The following MAGI3 variants were observed in gnomAD, a reference collection of about 807,000 sequenced individuals.
MAGI3 encodes the protein membrane-associated guanylate kinase, WW and PDZ domain-containing protein 3.
Under a neutral mutation model 121.8 loss-of-function variants are expected in MAGI3, and 43 were observed. The ratio of observed to expected loss-of-function variants is 0.35; its 90% CI spans 0.28 to 0.46. The LOEUF (loss-of-function observed/expected upper bound fraction) is 0.46, where lower values mean the gene tolerates loss of function less well. Ranked by LOEUF, MAGI3 falls within the 20% of genes least tolerant of loss-of-function variation. The pLI is 1.00. For missense variants in MAGI3, 1,547 were observed against 1,797.3 expected (o/e 0.86, Z 2.52); for synonymous variants, 553 against 639.3 (o/e 0.86, Z 2.04).
At chr1:113,533,789 T>TTC (rs1026231664) in intron 1 of MAGI3, among the ~76,000 whole-genome samples, 3 of 150,930 alleles carry the variant, frequency 2.0e-5, no homozygotes, top group Non-Finnish European at 4.4e-5. Flanking sequence ...CTTTTTCTTT[T>TTC]TTTTTTTTTT....
Position 113,681,323 on chromosome 1 carries a change from G to C in MAGI3, c.3315G>C (p.Leu1105Phe). The change falls in exon 20 of 21, where the codon TTG (leucine) becomes TTC (phenylalanine). Residue 1105 changes from leucine to phenylalanine, a missense_variant. Physicochemically the swap from Leu to Phe is conservative, Grantham distance 22. Transcript: ENST00000307546. ...VLLLLRPGTGLIPDHGDWDIN... is the reference protein window; with the variant it reads ...VLLLLRPGTGFIPDHGDWDIN... ...TTCTTTTGAGGCCAGGAACTGGCTT[G>C]ATACCTGACCATGGTAAGTAAAGTA... The C allele has an allele frequency of 1.2e-6, 2 of 1,613,864 alleles. No homozygotes were observed. The highest frequency in any genetic ancestry group is 1.7e-6 in the Non-Finnish European group (2 of 1,179,942).
intron 3 of MAGI3, among the ~76,000 whole-genome samples, chr1:113,582,809 AAGCAATCT>A (rs1380314866): frequency 1.3e-5 from 2 of 151,498 alleles, no homozygotes; most frequent in Non-Finnish European, 2.9e-5. Context: ...GGAGATTTGA[AAGCAATCT>A]AGCAATAATA....
chr1:113,602,264 T>C (rs1405926587), intron 6 of MAGI3, among the ~76,000 whole-genome samples: 2 of 152,088 alleles, frequency 1.3e-5, no homozygotes, highest in East Asian at 3.9e-4. Context: ...ATATGAGGTA[T>C]CTTCTCAGAC....
intron 8 of MAGI3, among the ~76,000 whole-genome samples, chr1:113,622,585 G>C (rs1230165090): frequency 6.6e-6 from 1 of 152,112 alleles, no homozygotes; most frequent in African/African-American, 2.4e-5. Flanking sequence ...GAGTTTTATA[G>C]TACAGTTGAA....
intron 1 of MAGI3, among the ~76,000 whole-genome samples, chr1:113,488,180 C>T (rs932550571): frequency 5.3e-5 from 8 of 152,050 alleles, no homozygotes; most frequent in African/African-American, 1.9e-4. Context: ...GTTTCATTGA[C>T]TATTTGGAAA....
chr1:113,432,180 A>G (rs1050744229), intron 1 of MAGI3, among the ~76,000 whole-genome samples: 2 of 152,246 alleles, frequency 1.3e-5, no homozygotes, highest in African/African-American at 4.8e-5. Context: ...CCCACCCTAT[A>G]TAAAAATCCA....
intron 1 of MAGI3, among the ~76,000 whole-genome samples, chr1:113,496,176 T>G (rs889891618): frequency 6.6e-6 from 1 of 152,194 alleles, no homozygotes; most frequent in African/African-American, 2.4e-5. Context: ...ATATTTCAAC[T>G]TCATTGTTGA....
chr1:113,681,981 T>C (rs72689984), intron 20 of MAGI3, among the ~76,000 whole-genome samples: 4,002 of 152,158 alleles, frequency 0.026, 93 homozygotes, highest in Admixed American at 0.09. Flanking sequence ...CACGCAGTAC[T>C]TGCCTCATCT....
At chr1:113,534,665 ACC>A (rs755505830) in intron 1 of MAGI3, among the ~76,000 whole-genome samples, 2 of 152,196 alleles carry the variant, frequency 1.3e-5, no homozygotes, top group Non-Finnish European at 2.9e-5. Flanking sequence ...CCATTATGAC[ACC>A]AAAGACAGGT....
chr1:113,581,523 T>C (rs1648024686), intron 3 of MAGI3, among the ~76,000 whole-genome samples: 1 of 152,120 alleles, frequency 6.6e-6, no homozygotes, highest in Non-Finnish European at 1.5e-5. Flanking sequence ...TTCACATCCA[T>C]TTGCCAAATC....
At chr1:113,523,129 A>T (rs1160769266) in intron 1 of MAGI3, among the ~76,000 whole-genome samples, 1 of 152,176 alleles carries the variant, frequency 6.6e-6, no homozygotes, top group Non-Finnish European at 1.5e-5. Context: ...CTTTTCTGCC[A>T]CCATGTGAGA....
intron 1 of MAGI3, among the ~76,000 whole-genome samples, chr1:113,396,206 G>A (rs1324030547): frequency 6.6e-6 from 1 of 151,676 alleles, no homozygotes; most frequent in Non-Finnish European, 1.5e-5. Context: ...TTAGTGTTTT[G>A]GGAGTATGTT....
chr1:113,450,730 C>T (rs976921975), intron 1 of MAGI3: 13 of 1,099,196 alleles, frequency 1.2e-5, no homozygotes, highest in African/African-American at 3.1e-5. Flanking sequence ...GCAGAAGGTT[C>T]GAAAAACAGC....
At chr1:113,494,046 G>C (rs575171747) in intron 1 of MAGI3, among the ~76,000 whole-genome samples, 4 of 152,032 alleles carry the variant, frequency 2.6e-5, no homozygotes, top group Non-Finnish European at 4.4e-5. Context: ...TTTATAAATC[G>C]TTCTATTATA....
In MAGI3 at chr1:113,683,886, G is replaced by A; in HGVS notation, c.4318G>A (p.Glu1440Lys). The A allele has an allele frequency of 6.2e-7, 1 of 1,612,530 alleles. No homozygotes were observed. Among genetic ancestry groups the A allele is most frequent in the African/African-American group, 1.3e-5 (1 of 74,988 alleles). The change falls in exon 21 of 21, where the codon GAG (glutamate) becomes AAG (lysine). Residue 1440 changes from glutamate to lysine, a missense_variant. Coordinates refer to ENST00000307546, the MANE Select transcript of MAGI3 (RefSeq NM_001142782.2). Reference protein sequence around the residue: ...KELEAADKNKETGRFKPESSS... With the variant: ...KELEAADKNKKTGRFKPESSS... ...ACTAGAGGCAGCTGACAAAAACAAA[G>A]AGACTGGAAGGTTCAAACCGGAAAG...
intron 2 of MAGI3, among the ~76,000 whole-genome samples, chr1:113,565,622 T>C (rs1660407468): frequency 1.3e-5 from 2 of 152,246 alleles, no homozygotes; most frequent in African/African-American, 4.8e-5. Context: ...TTAACAGCAT[T>C]ACACAGAGTT....
intron 9 of MAGI3, among the ~76,000 whole-genome samples, chr1:113,640,924 T>TA: frequency 8.6e-6 from 1 of 116,784 alleles, no homozygotes; most frequent in South Asian, 2.5e-4. Context: ...TATGATATAT[T>TA]TTATATATCA....
chr1:113,491,297 A>C (rs116483732), intron 1 of MAGI3, among the ~76,000 whole-genome samples: 4,050 of 152,348 alleles, frequency 0.027, 177 homozygotes, highest in African/African-American at 0.092. Flanking sequence ...AATGAAATTA[A>C]GGCAGAAATA....
intron 1 of MAGI3, among the ~76,000 whole-genome samples, chr1:113,409,967 G>A (rs1214552268): frequency 2.6e-5 from 4 of 152,086 alleles, no homozygotes; most frequent in East Asian, 3.9e-4. Context: ...GCCGTTAAAC[G>A]TATTCTGCCT....
Sources: allele counts gnomAD v4.1 joint callset (sites outside exome capture counted in the v4.1 genomes callset), GRCh38; gene constraint gnomAD v4.1.1; transcripts MANE v1.5; gene names NCBI Gene and HGNC (gene_info 2026-07-23, HGNC 2026-07-21).